The following FBXO25 variants were observed in gnomAD, a reference collection of about 807,000 sequenced individuals.
FBXO25 encodes F-box only protein 25.
A neutral mutation model predicts 51.9 loss-of-function variants in FBXO25; 45 were observed. The ratio of observed to expected loss-of-function variants is 0.87; its 90% CI spans 0.68 to 1.11. FBXO25 has a LOEUF of 1.11. Ranked by LOEUF, FBXO25 falls within the 50% of genes most tolerant of loss-of-function variation. The probability of loss-of-function intolerance (pLI) is 0.00; values close to 1 mark genes in which losing one functional copy is unlikely to be tolerated. For missense variants in FBXO25, 507 were observed against 428.5 expected, an observed-to-expected ratio of 1.18 and a Z score of -1.62; for synonymous variants, 199 against 151.0, an observed-to-expected ratio of 1.32 and a Z score of -2.33.
intron 2 of FBXO25, among the ~76,000 whole-genome samples, chr8:425,204 T>G (rs950491513): frequency 1.3e-5 from 2 of 151,946 alleles, no homozygotes; most frequent in African/African-American, 4.8e-5. Flanking sequence ...CAAACTCTTA[T>G]GGTAACCATT....
intron 5 of FBXO25, among the ~76,000 whole-genome samples, chr8:447,354 G>A (rs1798804423): frequency 6.6e-6 from 1 of 152,094 alleles, no homozygotes; most frequent in African/African-American, 2.4e-5. Context: ...GGTGCCCTAG[G>A]AAGTCCCACC....
chr8:431,473 A>C, intron 3 of FBXO25, 29 bp downstream of exon 3: 1 of 1,161,434 alleles, frequency 8.6e-7, no homozygotes, highest in Non-Finnish European at 1.2e-6. Context: ...ATTTTATTTT[A>C]CTTGTTGATT....
chr8:453,534 T>C (rs1799225529), intron 7 of FBXO25, among the ~76,000 whole-genome samples: 1 of 152,174 alleles, frequency 6.6e-6, no homozygotes, highest in Admixed American at 6.5e-5. Context: ...GCTGCATTTG[T>C]AGATGCCGGA....
chr8:409,426 C>G (rs1248814719), intron 1 of FBXO25, among the ~76,000 whole-genome samples: 1 of 152,170 alleles, frequency 6.6e-6, no homozygotes, highest in Non-Finnish European at 1.5e-5. Flanking sequence ...TCAAACTTAT[C>G]AGCTGAGAAA....
chr8:454,559 ATTACAT>A (rs2116754960), intron 7 of FBXO25, among the ~76,000 whole-genome samples: 1 of 152,328 alleles, frequency 6.6e-6, no homozygotes, highest in African/African-American at 2.4e-5. Context: ...GGCTGTTGAC[ATTACAT>A]TGGTTCACAA....
chr8:430,989 T>A (rs575767589), intron 2 of FBXO25, among the ~76,000 whole-genome samples: 18 of 152,294 alleles, frequency 1.2e-4, no homozygotes, highest in African/African-American at 4.3e-4. Flanking sequence ...AAGTCATTGG[T>A]CAGTATTGGG....
intron 2 of FBXO25, among the ~76,000 whole-genome samples, chr8:422,892 A>G (rs1332967669): frequency 6.6e-6 from 1 of 152,110 alleles, no homozygotes; most frequent in Non-Finnish European, 1.5e-5. Flanking sequence ...GTGTTACGGG[A>G]GGTACACAGG....
At chr8:413,423 A>G (rs1293302441) in intron 2 of FBXO25, among the ~76,000 whole-genome samples, 1 of 151,996 alleles carries the variant, frequency 6.6e-6, no homozygotes, top group Non-Finnish European at 1.5e-5. Flanking sequence ...TTTTTAATTT[A>G]AAACATTTAA....
intron 2 of FBXO25, among the ~76,000 whole-genome samples, chr8:429,088 C>G (rs1189170478): frequency 1.3e-5 from 2 of 152,038 alleles, no homozygotes; most frequent in Non-Finnish European, 2.9e-5. Context: ...TATGGTAATT[C>G]TATGTTTAAT....
chr8:452,748 T>G (rs1218576463), intron 7 of FBXO25, among the ~76,000 whole-genome samples: 3 of 152,124 alleles, frequency 2.0e-5, no homozygotes, highest in Non-Finnish European at 2.9e-5. Context: ...TGGAGAGAGA[T>G]GTGGAGCCAG....
At chr8:434,264 A>G (rs536228790) in intron 4 of FBXO25, among the ~76,000 whole-genome samples, 1 of 152,274 alleles carries the variant, frequency 6.6e-6, no homozygotes, top group Admixed American at 6.5e-5. Context: ...CTGTGGTTCT[A>G]GGTCCGCACA....
chr8:445,174 C>A (rs1045137417), intron 5 of FBXO25, among the ~76,000 whole-genome samples: 1 of 152,174 alleles, frequency 6.6e-6, no homozygotes, highest in Non-Finnish European at 1.5e-5. Context: ...ACCTATGCCT[C>A]GTGATGTCCA....
chr8:426,247 T>A (rs1318975696), intron 2 of FBXO25, among the ~76,000 whole-genome samples: 1 of 152,224 alleles, frequency 6.6e-6, no homozygotes, highest in Non-Finnish European at 1.5e-5. Context: ...CTGTACTTCC[T>A]GTGTTTGTGT....
chr8:456,133 C>G (rs1234103543), intron 7 of FBXO25, among the ~76,000 whole-genome samples: 15 of 152,216 alleles, frequency 9.9e-5, no homozygotes, highest in Non-Finnish European at 1.5e-5. Context: ...GAATGAAGCA[C>G]CTGGAAGACA....
intron 9 of FBXO25, among the ~76,000 whole-genome samples, chr8:466,840 G>C (rs1156387244): frequency 1.3e-5 from 2 of 152,224 alleles, no homozygotes; most frequent in African/African-American, 4.8e-5. Context: ...GCCAAAGACT[G>C]ACTTCGATGG....
intron 8 of FBXO25, among the ~76,000 whole-genome samples, chr8:459,880 C>A (rs887578313): frequency 1.3e-5 from 2 of 152,120 alleles, no homozygotes; most frequent in Non-Finnish European, 2.9e-5. Context: ...ATTAATAGGA[C>A]AAAGAAAAGC....
chr8:415,117 T>G (rs1796717980), intron 2 of FBXO25, among the ~76,000 whole-genome samples: 1 of 152,244 alleles, frequency 6.6e-6, no homozygotes, highest in Admixed American at 6.5e-5. Context: ...TTCCCCCACA[T>G]GTCTTTGAGA....
intron 2 of FBXO25, among the ~76,000 whole-genome samples, chr8:430,276 A>G (rs1247761434): frequency 6.6e-6 from 1 of 152,242 alleles, no homozygotes; most frequent in African/African-American, 2.4e-5. Context: ...ACAAAATACA[A>G]ACATCAACAC....
intron 2 of FBXO25, among the ~76,000 whole-genome samples, chr8:427,869 C>G (rs1407130464): frequency 6.6e-6 from 1 of 151,498 alleles, no homozygotes; most frequent in Non-Finnish European, 1.5e-5. Flanking sequence ...TTTTCCTAGA[C>G]TTGTGTGGAA....
Sources: gnomAD v4.1 joint callset for allele counts (sites outside exome capture counted in the v4.1 genomes callset) on GRCh38, gnomAD v4.1.1 for gene constraint, MANE v1.5 for transcripts, NCBI Gene and HGNC (gene_info 2026-07-23, HGNC 2026-07-21) for gene names.